MIAT: variants seen among roughly 807,000 people sequenced by gnomAD.
MIAT encodes MI related novel mRNA.
intron 5 of MIAT, chr22:26,667,377 C>T: frequency 5.1e-6 from 2 of 388,882 alleles, no homozygotes; most frequent in Non-Finnish European, 4.5e-6. Context: ...TGTGTGCATG[C>T]CTGTGTGTGT....
intron 3 of MIAT, among the ~76,000 whole-genome samples, chr22:26,664,005 CTTTTTTTTTTTT>C (rs202155948): frequency 0.54 from 62,895 of 117,356 alleles, 15,994 homozygotes; most frequent in Middle Eastern, 0.65. Flanking sequence ...CTGTGTTCAG[CTTTTTTTTTTTT>C]TTTTTTTTTT....
At chr22:26,652,444 A>G (rs7290586) in intron 2 of MIAT, among the ~76,000 whole-genome samples, 45,496 of 151,524 alleles carry the variant, frequency 0.3, 6,875 homozygotes, top group East Asian at 0.43. Flanking sequence ...TGCAACCTCC[A>G]ACTCCCGGGT....
rs565938473 is a variant in MIAT at position 26,649,164 on chromosome 22, C to T, written n.646+1853C>T. Among the ~76,000 whole-genome samples, 3 of 152,214 alleles carry T rather than the reference C, an allele frequency of 2.0e-5. 1 individual carries two copies. Among genetic ancestry groups the T allele is most frequent in the African/African-American group, 7.2e-5 (3 of 41,532 alleles). ...CAGACCACTTAGTTCTTTCAAAAGC[C>T]CTGCAAGTGAGGTTATGTAATCTCC... On this transcript the variant is annotated intron_variant and non_coding_transcript_variant, in intron 2 of 5. Coordinates refer to ENST00000643270, the Ensembl canonical transcript of MIAT.
intron 2 of MIAT, among the ~76,000 whole-genome samples, chr22:26,659,840 CT>C (rs1189391284): frequency 7.4e-4 from 70 of 94,970 alleles, no homozygotes; most frequent in African/African-American, 2.3e-3. Flanking sequence ...TTCTTTCTTT[CT>C]TTTTTTTTTT....
At chr22:26,670,256 C>A, downstream of MIAT, 1 of 398,482 alleles carries the variant, frequency 2.5e-6, no homozygotes, top group South Asian at 1.3e-4. Flanking sequence ...CAGCACTGAG[C>A]ACCTACTTTG....
At position 26,646,489 on chromosome 22, in the gene MIAT, G is replaced by A. The variant is rs1930238144; in HGVS notation, n.38G>A. 5 of 398,978 alleles carry A rather than the reference G, an allele frequency of 1.3e-5. No homozygotes were observed. The East Asian group carries it at 1.8e-4, about 14-fold the overall frequency. The allele number at this position is 398,978 out of a possible 1,614,324, so 24.7% of individuals were successfully genotyped here. ...GGACTGTACAGGGGTTGCTGACCAG[G>A]TGGAAGATGATGGGAGCCTCAGAAG... On this transcript the variant is annotated non_coding_transcript_exon_variant, in exon 1 of 6. Transcript: ENST00000643270.
At chr22:26,669,419 G>A in exon 6 of MIAT, 1 of 398,644 alleles carries the variant, frequency 2.5e-6, no homozygotes, top group Non-Finnish European at 4.4e-6. Context: ...TTCTCACTAT[G>A]TCCTCACATG....
intron 2 of MIAT, among the ~76,000 whole-genome samples, chr22:26,655,009 G>A (rs1291244428): frequency 6.6e-6 from 1 of 152,166 alleles, no homozygotes; most frequent in Non-Finnish European, 1.5e-5. Flanking sequence ...GCTGCGCCCG[G>A]CCAAAACATT....
exon 5 of MIAT, chr22:26,667,192 A>G: frequency 2.5e-6 from 1 of 398,696 alleles, no homozygotes. Flanking sequence ...CAGCACCGGC[A>G]TGGACCAAGC....
chr22:26,659,710 A>AT (rs984953665), intron 2 of MIAT, among the ~76,000 whole-genome samples: 3 of 151,060 alleles, frequency 2.0e-5, no homozygotes, highest in South Asian at 2.1e-4. Flanking sequence ...AATTTTTATA[A>AT]TTTTTTCCGA....
rs1602351603 is a variant in MIAT, at chr22:26,646,745, G to A, written n.294G>A. On this transcript the variant is annotated non_coding_transcript_exon_variant, in exon 1 of 6. Coordinates refer to ENST00000643270, the Ensembl canonical transcript of MIAT. ...GAAACACAGTAAATGCTCAGTAAGT[G>A]TTATTATTTGCCCCAAACTGTCTTA... The A allele has an allele frequency of 6.3e-5, 25 of 398,666 alleles. No individual in the cohort carries two copies. In the East Asian group the frequency reaches 8.9e-4, roughly 14 times the overall value. The allele number at this position is 398,666 out of a possible 1,614,324, so 24.7% of individuals were successfully genotyped here. A position where few individuals can be genotyped will look rare whatever the true frequency, so the allele number is the denominator to read the frequency against.
At chr22:26,659,503 C>T (rs888006622) in intron 2 of MIAT, among the ~76,000 whole-genome samples, 9 of 152,108 alleles carry the variant, frequency 5.9e-5, no homozygotes, top group African/African-American at 1.7e-4. Flanking sequence ...AACCCCTTAC[C>T]GCCAGCTTTA....
At chr22:26,648,425 C>T (rs532117434) in intron 2 of MIAT, among the ~76,000 whole-genome samples, 1 of 152,278 alleles carries the variant, frequency 6.6e-6, no homozygotes, top group Admixed American at 6.5e-5. Flanking sequence ...AGCAGGGAGC[C>T]TGGGGGCAGG....
downstream of MIAT, chr22:26,674,368 G>T (rs1009323989): frequency 1.0e-5 from 4 of 398,580 alleles, no homozygotes; most frequent in Non-Finnish European, 1.8e-5. Flanking sequence ...GCAGGTAAAA[G>T]GTGGCACTAG....
At chr22:26,662,775 C>T (rs1180053992) in intron 2 of MIAT, among the ~76,000 whole-genome samples, 9 of 152,112 alleles carry the variant, frequency 5.9e-5, no homozygotes. Context: ...GACCAAAAAC[C>T]CAGAGGGATT....
chr22:26,658,749 G>A (rs1202231192), intron 2 of MIAT, among the ~76,000 whole-genome samples: 1 of 152,214 alleles, frequency 6.6e-6, no homozygotes, highest in Non-Finnish European at 1.5e-5. Flanking sequence ...CAGTGCCGCC[G>A]CGGGGAAAAC....
chr22:26,648,982 A>G (rs1930290221), intron 2 of MIAT, among the ~76,000 whole-genome samples: 1 of 152,106 alleles, frequency 6.6e-6, no homozygotes, highest in African/African-American at 2.4e-5. Flanking sequence ...AATCACTTGC[A>G]TGAGGCCCAA....
At chr22:26,668,005 C>A (rs1021141713) in intron 5 of MIAT, 2 of 396,706 alleles carry the variant, frequency 5.0e-6, no homozygotes, top group Non-Finnish European at 4.4e-6. Context: ...TGTCCAAAAC[C>A]CTCACTTCCA....
chr22:26,665,359 C>G (rs992807665), intron 3 of MIAT: 5 of 397,848 alleles, frequency 1.3e-5, no homozygotes. Flanking sequence ...CCAGGTTTCT[C>G]TAGCCCCAAA....
Sources: allele counts gnomAD v4.1 joint callset (sites outside exome capture counted in the v4.1 genomes callset), GRCh38; gene constraint gnomAD v4.1.1; transcripts MANE v1.5; gene names NCBI Gene and HGNC (gene_info 2026-07-23, HGNC 2026-07-21).